Variants in FAM222B observed in about 807,000 individuals in gnomAD.
FAM222B encodes the protein family with sequence similarity 222 member B.
A neutral mutation model predicts 38.0 loss-of-function variants in FAM222B; 12 were observed. The ratio of observed to expected loss-of-function variants is 0.32; its 90% CI spans 0.20 to 0.51. The LOEUF (loss-of-function observed/expected upper bound fraction) is 0.51, where lower values mean the gene tolerates loss of function less well. Ranked by LOEUF, FAM222B falls within the 20% of genes least tolerant of loss-of-function variation. The pLI is 0.97. For missense variants in FAM222B, 716 were observed against 754.2 expected, an observed-to-expected ratio of 0.95 and a Z score of 0.59; for synonymous variants, 329 against 317.2, an observed-to-expected ratio of 1.04 and a Z score of -0.40.
At chr17:28,831,886 C>G (rs1327666486) in intron 1 of FAM222B, among the ~76,000 whole-genome samples, 2 of 151,954 alleles carry the variant, frequency 1.3e-5, no homozygotes, top group Non-Finnish European at 2.9e-5. Flanking sequence ...CCTAGATTTA[C>G]TTAAAGAAAA....
At chr17:28,833,118 C>T (rs893883934) in intron 1 of FAM222B, among the ~76,000 whole-genome samples, 6 of 150,326 alleles carry the variant, frequency 4.0e-5, no homozygotes, top group African/African-American at 1.5e-4. Flanking sequence ...GTCAGGAGTT[C>T]GAGACCTGGT....
At chr17:28,845,589 GAAAAAAA>G (rs1330057811), upstream of FAM222B, among the ~76,000 whole-genome samples, 1 of 150,856 alleles carries the variant, frequency 6.6e-6, no homozygotes, top group Non-Finnish European at 1.5e-5. Flanking sequence ...AAAAAAAAAG[GAAAAAAA>G]GAAAAAATAA....
chr17:28,804,403 C>T lies in FAM222B; in HGVS notation c.-40-37696G>A, dbSNP rs923995246. ...AGCCTAGAGCGCAGTGGCGCGATCT[C>T]GGCTCACCGCAACCTCCACCTCTCG... On this transcript the variant is annotated intron_variant, in intron 1 of 2. Transcript: ENST00000581407. Among the ~76,000 whole-genome samples the T allele has an allele frequency of 3.2e-4, 49 of 152,140 alleles. 2 individuals are homozygous for T. Among genetic ancestry groups the T allele is most frequent in the South Asian group, 2.3e-3 (11 of 4,828 alleles).
intron 1 of FAM222B, among the ~76,000 whole-genome samples, chr17:28,794,037 C>G (rs953156617): frequency 6.6e-6 from 1 of 152,110 alleles, no homozygotes; most frequent in Admixed American, 6.6e-5. Flanking sequence ...GCGTAAGCCA[C>G]GGCTCCCGGC....
At chr17:28,850,936 T>C (rs2039176611) in intron 1 of FAM222B, among the ~76,000 whole-genome samples, 1 of 151,304 alleles carries the variant, frequency 6.6e-6, no homozygotes, top group Non-Finnish European at 1.5e-5. Flanking sequence ...CTGGCCAATA[T>C]GGTGAAACCC....
At chr17:28,817,996 G>A (rs896743609) in intron 1 of FAM222B, among the ~76,000 whole-genome samples, 5 of 152,110 alleles carry the variant, frequency 3.3e-5, no homozygotes, top group African/African-American at 1.2e-4. Flanking sequence ...GAAAGTAGAA[G>A]CATTATCTGG....
At chr17:28,788,141 C>A (rs2151861475) in intron 1 of FAM222B, among the ~76,000 whole-genome samples, 1 of 152,060 alleles carries the variant, frequency 6.6e-6, no homozygotes, top group Non-Finnish European at 1.5e-5. Context: ...GTCCTTTAAA[C>A]CTCTAAAGTG....
chr17:28,831,713 T>C (rs1475590963), intron 1 of FAM222B, among the ~76,000 whole-genome samples: 1 of 151,586 alleles, frequency 6.6e-6, no homozygotes, highest in Non-Finnish European at 1.5e-5. Flanking sequence ...TCACCATGTT[T>C]CCCAGGCTGG....
intron 1 of FAM222B, among the ~76,000 whole-genome samples, chr17:28,769,183 T>TTC (rs2151794465): frequency 7.1e-6 from 1 of 140,546 alleles, no homozygotes; most frequent in South Asian, 2.5e-4. Context: ...TCTTTTTTTT[T>TTC]TTTTTTTTTT....
chr17:28,781,100 C>T (rs2151839891), intron 1 of FAM222B, among the ~76,000 whole-genome samples: 1 of 152,154 alleles, frequency 6.6e-6, no homozygotes, highest in Middle Eastern at 3.4e-3. Context: ...TGAAAAAATG[C>T]TCAACATTGG....
intron 1 of FAM222B, among the ~76,000 whole-genome samples, chr17:28,767,634 CCCAG>C (rs2151787990): frequency 6.7e-6 from 1 of 150,264 alleles, no homozygotes; most frequent in Non-Finnish European, 1.5e-5. Flanking sequence ...TGCCGCCATG[CCCAG>C]CCAATTTTTG....
At chr17:28,846,569 T>C (rs766791034), upstream of FAM222B, among the ~76,000 whole-genome samples, 7 of 151,870 alleles carry the variant, frequency 4.6e-5, no homozygotes, top group Non-Finnish European at 7.4e-5. Context: ...CTTGGGAGGC[T>C]GAAGAGCGAG....
rs9914268 is a variant in FAM222B, at chr17:28,825,666, T to C, written c.-41+17016A>G. Among the ~76,000 whole-genome samples, 1,125 of 152,306 alleles carry C rather than the reference T, an allele frequency of 7.4e-3. 17 individuals carry two copies. The highest frequency in any genetic ancestry group is 0.025 in the African/African-American group (1,029 of 41,556). On this transcript the variant is annotated intron_variant, in intron 1 of 2. Coordinates refer to ENST00000581407, the MANE Select transcript of FAM222B (RefSeq NM_001077498.3). Reference sequence around the variant, plus strand: ...GCTGATCTTCATATACTCCTAGATCTTAAATGCCATATCCTTAGAGAGATA... The same window carrying C: ...GCTGATCTTCATATACTCCTAGATCCTAAATGCCATATCCTTAGAGAGATA...
At chr17:28,770,625 C>T (rs1458893748) in intron 1 of FAM222B, among the ~76,000 whole-genome samples, 1 of 150,182 alleles carries the variant, frequency 6.7e-6, no homozygotes, top group Non-Finnish European at 1.5e-5. Context: ...GGCTGGAGTG[C>T]GGTGGCGCCT....
intron 1 of FAM222B, among the ~76,000 whole-genome samples, chr17:28,822,817 AAAAAAAAAAAAAAAAATAT>A (rs2038284769): frequency 3.0e-5 from 3 of 99,568 alleles, no homozygotes; most frequent in Non-Finnish European, 5.6e-5. Context: ...AAAAAAAAAA[AAAAAAAAAAAAAAAAATAT>A]ATATATATAT....
At position 28,778,679 on chromosome 17, in the gene FAM222B, TTG is replaced by T. The variant is rs1555573094; in HGVS notation, c.-40-11974_-40-11973del. ...TCATCATGCCTAGCTAATTTTTTTT[TTG>T]TGTGTGTGTGTGTGTGTATATATAT... On this transcript the variant is annotated intron_variant, in intron 1 of 2. Transcript: ENST00000581407. 2.6e-3 allele frequency among the ~76,000 whole-genome samples: 288 copies of T among 110,184 alleles called. 3 individuals carry two copies. Among genetic ancestry groups the T allele is most frequent in the African/African-American group, 0.01 (275 of 26,362 alleles). The allele number at this position is 110,184 out of a possible 152,430, so 72.3% of individuals were successfully genotyped here. A position where few individuals can be genotyped will look rare whatever the true frequency, so the allele number is the denominator to read the frequency against.
rs2034716437 is a variant in FAM222B, at chr17:28,756,738, TC to T, written c.*1531del. 6.6e-6 allele frequency: 1 copy of T among 152,462 alleles called. No homozygotes were observed. Among genetic ancestry groups the T allele is most frequent in the Admixed American group, 6.6e-5 (1 of 15,260 alleles). The allele number at this position is 152,462 out of a possible 1,614,324, so 9.4% of individuals were successfully genotyped here. On this transcript the variant is annotated 3_prime_UTR_variant, in exon 3 of 3. Coordinates refer to ENST00000581407, the MANE Select transcript of FAM222B (RefSeq NM_001077498.3). ...TAACACAATCAGGCTTTTTTTTTTT[TC>T]TTTTTCCTTTTAAATATAAGGCAAC... is the stretch of plus-strand genomic sequence containing the variant.
chr17:28,790,500 ATAACT>A (rs1390526526), intron 1 of FAM222B: 3 of 152,230 alleles, frequency 2.0e-5, no homozygotes, highest in Admixed American at 1.3e-4. Context: ...TTTCTACAAA[ATAACT>A]TAATAGCATC....
chr17:28,852,483 A>C (rs1010021696), intron 1 of FAM222B, among the ~76,000 whole-genome samples: 1 of 151,876 alleles, frequency 6.6e-6, no homozygotes, highest in Non-Finnish European at 1.5e-5. Flanking sequence ...CAAAAAAATT[A>C]CCAAAAAATT....
Sources: allele counts gnomAD v4.1 joint callset (sites outside exome capture counted in the v4.1 genomes callset), GRCh38; gene constraint gnomAD v4.1.1; transcripts MANE v1.5; gene names NCBI Gene and HGNC (gene_info 2026-07-23, HGNC 2026-07-21).